Variants in GSN observed in about 807,000 individuals in gnomAD.
GSN encodes actin-depolymerizing factor.
In GSN, 56 loss-of-function variants were observed where a neutral mutation model predicts 85.7. The observed-to-expected ratio is 0.65, with a 90% CI of 0.53 to 0.82. The LOEUF (loss-of-function observed/expected upper bound fraction) is 0.82. GSN is among the 40% of genes least tolerant of loss of function. The pLI, the probability that GSN is intolerant of heterozygous loss-of-function variation, is 0.00. For synonymous variants in GSN, 373 were observed against 399.1 expected (o/e 0.93, Z 0.78); for missense variants, 857 against 979.8 (o/e 0.87, Z 1.67).
At chr9:121,308,622 G>A (rs928046184) in intron 4 of GSN, 2 of 152,250 alleles carry the variant, frequency 1.3e-5, no homozygotes, top group Non-Finnish European at 2.9e-5. Flanking sequence ...GGAGGCTGCA[G>A]TGAATTGAGA....
In GSN at chr9:121,282,373, T is replaced by G. The variant is rs113527456; in HGVS notation, c.-10+811T>G. ...CACCCAAACAGAAGTGAATTTCTAA[T>G]GAGCAATTGTGCAAGAACCCAGGAA... On this transcript the variant is annotated intron_variant, in intron 2 of 17. Coordinates refer to ENST00000432226, the MANE Select transcript of GSN (RefSeq NM_198252.3). 1.2e-3 allele frequency: 839 copies of G among 700,140 alleles called. 10 individuals carry two copies. In the African/African-American group the frequency reaches 0.013, roughly 11 times the overall value. 43.4% of individuals were successfully genotyped at this position (700,140 alleles called of 1,614,324 possible). A position where few individuals can be genotyped will look rare whatever the true frequency, so the allele number is the denominator to read the frequency against.
chr9:121,254,580 T>C (rs1178759706), intron 6 of GSN, among the ~76,000 whole-genome samples: 1 of 152,176 alleles, frequency 6.6e-6, no homozygotes, highest in Non-Finnish European at 1.5e-5. Context: ...CAGGCTCTGG[T>C]CTTTGGCTTT....
At chr9:121,215,900 T>C (rs1204228777) in intron 4 of GSN, among the ~76,000 whole-genome samples, 1 of 152,218 alleles carries the variant, frequency 6.6e-6, no homozygotes. Flanking sequence ...TGTAATTTAT[T>C]AACTGTTAGA....
In GSN at chr9:121,300,232, T is replaced by G. The variant is rs901501179; in HGVS notation, c.-9-1731T>G. ...GAAGCTAACCTCACCTTGGCCGGAT[T>G]TCTTTTCCCCTGTCCTCCTCTAACA... On this transcript the variant is annotated intron_variant, in intron 2 of 17. Coordinates refer to ENST00000432226, the MANE Select transcript of GSN (RefSeq NM_198252.3). The G allele has an allele frequency of 3.8e-6, 3 of 785,982 alleles. No homozygotes were observed. The African/African-American group carries it at 5.1e-5, about 13-fold the overall frequency. The allele number at this position is 785,982 out of a possible 1,614,324, so 48.7% of individuals were successfully genotyped here.
chr9:121,278,384 A>G (rs1186726047), intron 1 of GSN, among the ~76,000 whole-genome samples: 1 of 152,218 alleles, frequency 6.6e-6, no homozygotes, highest in South Asian at 2.1e-4. Flanking sequence ...TACTCCCATC[A>G]GGTCTGAAGG....
chr9:121,330,033 C>T (rs989705628), intron 16 of GSN, among the ~76,000 whole-genome samples: 2 of 152,196 alleles, frequency 1.3e-5, no homozygotes, highest in African/African-American at 4.8e-5. Context: ...CACAGGGATG[C>T]TCGGAATCCC....
intron 5 of GSN, among the ~76,000 whole-genome samples, chr9:121,236,927 C>G (rs778498579): frequency 6.6e-6 from 1 of 152,240 alleles, no homozygotes; most frequent in Admixed American, 6.5e-5. Context: ...CCTTCAGCAT[C>G]TGGTAAACAC....
chr9:121,319,487 C>CT (rs754579668), intron 10 of GSN, among the ~76,000 whole-genome samples: 5,290 of 141,028 alleles, frequency 0.038, 291 homozygotes, highest in African/African-American at 0.12. Context: ...TATGCTTTAT[C>CT]TTTTTTTTTT....
intron 5 of GSN, among the ~76,000 whole-genome samples, chr9:121,242,933 G>A (rs574181442): frequency 5.9e-5 from 9 of 152,270 alleles, no homozygotes; most frequent in Admixed American, 2.0e-4. Flanking sequence ...TTAAGGAAAG[G>A]GTGATGTACC....
chr9:121,282,070 C>A (rs1019381410), intron 2 of GSN: 4 of 470,184 alleles, frequency 8.5e-6, no homozygotes, highest in Non-Finnish European at 1.7e-5. Flanking sequence ...GGCCAGCTGG[C>A]AGGGTGGGGC....
upstream of GSN, among the ~76,000 whole-genome samples, chr9:121,266,702 C>T (rs1221248514): frequency 6.6e-6 from 1 of 152,178 alleles, no homozygotes; most frequent in Non-Finnish European, 1.5e-5. Flanking sequence ...TGGGCTTGGC[C>T]TGCTCATCTG....
chr9:121,329,840 A>G lies in GSN; in HGVS notation c.1965+525A>G, dbSNP rs2133947975. Reference sequence around the variant, plus strand: ...TATTAATTGGGCACTGCTTTGTGCCAGGTGCTTTATGTTTGAGATGCTGGG... The same window carrying G: ...TATTAATTGGGCACTGCTTTGTGCCGGGTGCTTTATGTTTGAGATGCTGGG... On this transcript the variant is annotated intron_variant, in intron 16 of 17. Coordinates refer to ENST00000432226, the MANE Select transcript of GSN (RefSeq NM_198252.3). The surrounding 1 kb of genome is among the most constrained non-coding windows in gnomAD (Gnocchi z 4.6). Among the ~76,000 whole-genome samples, 1 of 152,306 alleles carries G rather than the reference A, an allele frequency of 6.6e-6. No homozygotes were observed. The highest frequency in any genetic ancestry group is 2.4e-5 in the African/African-American group (1 of 41,578).
intron 2 of GSN, among the ~76,000 whole-genome samples, chr9:121,290,025 G>C (rs2058538499): frequency 6.6e-6 from 1 of 152,096 alleles, no homozygotes; most frequent in Admixed American, 6.5e-5. Flanking sequence ...TGGAGTGTGG[G>C]GGTGAGAAGT....
At chr9:121,311,258 C>T in intron 5 of GSN, 1 of 281,006 alleles carries the variant, frequency 3.6e-6, no homozygotes, top group Non-Finnish European at 6.9e-6. Flanking sequence ...TGTAGTTGCA[C>T]ATGCCCATGA....
At chr9:121,246,462 G>A (rs2054701536) in intron 5 of GSN, among the ~76,000 whole-genome samples, 1 of 152,026 alleles carries the variant, frequency 6.6e-6, no homozygotes, top group African/African-American at 2.4e-5. Context: ...AATTATCATG[G>A]ACACAAATAT....
chr9:121,245,339 G>C (rs2054678439), intron 5 of GSN, among the ~76,000 whole-genome samples: 1 of 150,776 alleles, frequency 6.6e-6, no homozygotes, highest in African/African-American at 2.5e-5. Flanking sequence ...CAGTATGGAT[G>C]CATTATACCT....
At chr9:121,322,833 A>ATTT (rs35596351) in intron 11 of GSN, among the ~76,000 whole-genome samples, 3 of 143,828 alleles carry the variant, frequency 2.1e-5, no homozygotes, top group Non-Finnish European at 4.5e-5. Flanking sequence ...TGACTGTTGG[A>ATTT]TTTTTTTTTT....
chr9:121,241,049 A>G (rs2054594095), intron 5 of GSN, among the ~76,000 whole-genome samples: 1 of 152,258 alleles, frequency 6.6e-6, no homozygotes, highest in Admixed American at 6.5e-5. Context: ...ACTTCAACCA[A>G]GTATCAAGTT....
upstream of GSN, chr9:121,265,901 A>AT (rs2055187734): frequency 6.6e-6 from 1 of 152,266 alleles, no homozygotes; most frequent in South Asian, 2.1e-4. Context: ...CCTGCCAGCT[A>AT]TAAAATACAC....
Sources: allele counts gnomAD v4.1 joint callset (sites outside exome capture counted in the v4.1 genomes callset), GRCh38; gene constraint gnomAD v4.1.1; non-coding constraint Gnocchi (gnomAD v3.1); transcripts MANE v1.5; gene names NCBI Gene and HGNC (gene_info 2026-07-23, HGNC 2026-07-21).